DCLK1: variants seen among roughly 807,000 people sequenced by gnomAD.
DCLK1 encodes doublecortin like kinase 1.
Under a neutral mutation model 86.2 loss-of-function variants are expected in DCLK1, and 16 were observed. That is an observed-to-expected ratio of 0.19 (90% CI 0.13 to 0.28). The LOEUF (loss-of-function observed/expected upper bound fraction) is 0.28, where lower values mean the gene tolerates loss of function less well. Among genes scored for constraint, DCLK1 ranks in the 10% least tolerant of loss-of-function variants. DCLK1 has a pLI of 1.00. For synonymous variants in DCLK1, 369 were observed against 370.5 expected, an observed-to-expected ratio of 1.00 and a Z score of 0.05; for missense variants, 590 against 940.2, an observed-to-expected ratio of 0.63 and a Z score of 4.87.
intron 3 of DCLK1, among the ~76,000 whole-genome samples, chr13:35,967,198 G>A (rs188992198): frequency 0.03 from 4,485 of 149,002 alleles, 97 homozygotes; most frequent in Non-Finnish European, 0.045. Context: ...TGGCGGCCCC[G>A]TCTGAGAACT....
intron 5 of DCLK1, among the ~76,000 whole-genome samples, chr13:35,862,529 C>T (rs1193319699): frequency 6.6e-6 from 1 of 152,146 alleles, no homozygotes; most frequent in African/African-American, 2.4e-5. Context: ...GTTTCCAAAA[C>T]TCAACTGCGA....
intron 3 of DCLK1, among the ~76,000 whole-genome samples, chr13:36,108,840 T>A (rs1425421741): frequency 6.6e-6 from 1 of 152,184 alleles, no homozygotes; most frequent in Non-Finnish European, 1.5e-5. Context: ...TAGGGTGGCA[T>A]CTTGTTGGCA....
intron 3 of DCLK1, among the ~76,000 whole-genome samples, chr13:36,025,109 A>G (rs1011150729): frequency 2.0e-5 from 3 of 152,034 alleles, no homozygotes; most frequent in Non-Finnish European, 2.9e-5. Flanking sequence ...CTGGGATTAC[A>G]GGCATGGGCC....
At chr13:36,007,143 T>C (rs1017381215) in intron 3 of DCLK1, among the ~76,000 whole-genome samples, 9 of 152,182 alleles carry the variant, frequency 5.9e-5, no homozygotes, top group Admixed American at 2.6e-4. Context: ...AACTATGTCA[T>C]AGATTGACTG....
intron 4 of DCLK1, among the ~76,000 whole-genome samples, chr13:35,916,870 A>G (rs1253957248): frequency 6.6e-6 from 1 of 152,146 alleles, no homozygotes; most frequent in Non-Finnish European, 1.5e-5. Flanking sequence ...GGCCTCTCAG[A>G]CCTTCCACCT....
At chr13:35,989,933 G>A (rs1273487914) in intron 3 of DCLK1, among the ~76,000 whole-genome samples, 1 of 152,100 alleles carries the variant, frequency 6.6e-6, no homozygotes, top group East Asian at 1.9e-4. Flanking sequence ...ACTGATATGT[G>A]ATAAACTAAG....
At chr13:36,095,501 C>T (rs946160431) in intron 3 of DCLK1, among the ~76,000 whole-genome samples, 6 of 152,060 alleles carry the variant, frequency 3.9e-5, no homozygotes, top group Admixed American at 3.3e-4. Flanking sequence ...CCACTGTGCC[C>T]GGCTCTCTCA....
chr13:35,995,867 T>C (rs1880447050), intron 3 of DCLK1, among the ~76,000 whole-genome samples: 1 of 152,230 alleles, frequency 6.6e-6, no homozygotes, highest in Non-Finnish European at 1.5e-5. Context: ...ACAACAGTTT[T>C]CCTAAAATAT....
intron 4 of DCLK1, among the ~76,000 whole-genome samples, chr13:35,897,219 A>G (rs1226972013): frequency 1.3e-5 from 2 of 152,224 alleles, no homozygotes; most frequent in Non-Finnish European, 2.9e-5. Flanking sequence ...AAAATATTTT[A>G]AAAGAATAAG....
intron 6 of DCLK1, chr13:35,847,791 A>G: frequency 4.0e-5 from 39 of 985,176 alleles, no homozygotes; most frequent in Non-Finnish European, 4.7e-5. Context: ...GGTTCTTAAT[A>G]TTTAGATGAG....
At chr13:35,924,517 T>G (rs1340013611) in intron 4 of DCLK1, among the ~76,000 whole-genome samples, 4 of 152,280 alleles carry the variant, frequency 2.6e-5, no homozygotes, top group African/African-American at 9.6e-5. Context: ...CTGGGCATGG[T>G]GGCACACACC....
At chr13:36,056,632 A>G (rs1309614101) in intron 3 of DCLK1, among the ~76,000 whole-genome samples, 6 of 146,160 alleles carry the variant, frequency 4.1e-5, no homozygotes, top group African/African-American at 1.6e-4. Context: ...AAAAAAAAAA[A>G]AAAAGAAAGA....
At chr13:36,003,818 T>G (rs1052392669) in intron 3 of DCLK1, among the ~76,000 whole-genome samples, 3 of 152,234 alleles carry the variant, frequency 2.0e-5, no homozygotes, top group East Asian at 3.8e-4. Context: ...AGATATTTTA[T>G]GGAAGTAGTT....
chr13:35,949,953 G>A (rs1337485628), intron 3 of DCLK1, among the ~76,000 whole-genome samples: 1 of 150,148 alleles, frequency 6.7e-6, no homozygotes, highest in Non-Finnish European at 1.5e-5. Context: ...TCATCACCCA[G>A]CACAAAAAGG....
At chr13:36,031,060 C>T (rs866680734) in intron 3 of DCLK1, among the ~76,000 whole-genome samples, 2 of 152,184 alleles carry the variant, frequency 1.3e-5, no homozygotes, top group Non-Finnish European at 2.9e-5. Flanking sequence ...CTCACTCCTA[C>T]GCTTTTCCCA....
chr13:35,912,086 CTCAA>C (rs965106140), intron 4 of DCLK1, among the ~76,000 whole-genome samples: 3 of 152,170 alleles, frequency 2.0e-5, no homozygotes, highest in African/African-American at 7.2e-5. Context: ...CACAGTAAAG[CTCAA>C]TCAATCAATC....
At chr13:35,922,934 C>G (rs1414016309) in intron 4 of DCLK1, among the ~76,000 whole-genome samples, 1 of 152,292 alleles carries the variant, frequency 6.6e-6, no homozygotes, top group East Asian at 1.9e-4. Context: ...TGCTTTAGAT[C>G]TGAAGAAGCA....
intron 15 of DCLK1, among the ~76,000 whole-genome samples, chr13:35,795,674 A>T (rs1319044167): frequency 1.3e-5 from 2 of 152,196 alleles, no homozygotes; most frequent in Non-Finnish European, 2.9e-5. Context: ...TAATCTCAGC[A>T]CTTTGGGAGG....
chr13:36,128,933 C>T (rs1015414190), intron 1 of DCLK1, among the ~76,000 whole-genome samples: 7 of 152,162 alleles, frequency 4.6e-5, no homozygotes, highest in Admixed American at 1.3e-4. Context: ...GCTCTCTTGT[C>T]TTCTAAAAGG....
Sources: allele counts gnomAD v4.1 joint callset (sites outside exome capture counted in the v4.1 genomes callset), GRCh38; gene constraint gnomAD v4.1.1; transcripts MANE v1.5; gene names NCBI Gene and HGNC (gene_info 2026-07-23, HGNC 2026-07-21).